The following TBC1D22B variants were observed in gnomAD, a reference collection of about 807,000 sequenced individuals.
The protein encoded by TBC1D22B is TBC1 domain family member 22B.
A neutral mutation model predicts 69.1 loss-of-function variants in TBC1D22B; 32 were observed. That is an observed-to-expected ratio of 0.46 (90% CI 0.35 to 0.62). The LOEUF (loss-of-function observed/expected upper bound fraction) is 0.62, where lower values mean the gene tolerates loss of function less well. Among genes scored for constraint, TBC1D22B ranks in the 20% least tolerant of loss-of-function variants. The pLI is 0.00. For synonymous variants in TBC1D22B, 206 were observed against 229.8 expected (o/e 0.90, Z 0.94); for missense variants, 462 against 630.9 (o/e 0.73, Z 2.87).
chr6:37,268,773 A>G (rs1457926153), intron 1 of TBC1D22B, among the ~76,000 whole-genome samples: 1 of 152,204 alleles, frequency 6.6e-6, no homozygotes, highest in Non-Finnish European at 1.5e-5. Context: ...TTTGAAGTCT[A>G]TATAAGTCGA....
At chr6:37,292,487 C>G (rs563033904) in intron 8 of TBC1D22B, among the ~76,000 whole-genome samples, 1 of 152,104 alleles carries the variant, frequency 6.6e-6, no homozygotes, top group Non-Finnish European at 1.5e-5. Flanking sequence ...CCCACCCCCC[C>G]GCCTTAATAG....
intron 8 of TBC1D22B, among the ~76,000 whole-genome samples, chr6:37,306,950 C>T (rs1056221556): frequency 2.0e-5 from 3 of 152,204 alleles, no homozygotes; most frequent in African/African-American, 7.2e-5. Context: ...CGAAATAAGT[C>T]TTTCCTCCAA....
chr6:37,312,037 C>A (rs2113779707), intron 8 of TBC1D22B, among the ~76,000 whole-genome samples: 1 of 152,346 alleles, frequency 6.6e-6, no homozygotes, highest in Non-Finnish European at 1.5e-5. Context: ...TCAGACGAGA[C>A]AGATTCTCAC....
chr6:37,269,445 G>T, intron 1 of TBC1D22B, 149 bp from the exon 2 acceptor site: 5 of 693,754 alleles, frequency 7.2e-6, no homozygotes, highest in South Asian at 5.4e-5. Context: ...CGGGTAGATT[G>T]CTCTCTTTGG....
chr6:37,259,103 T>G (rs1765972596), intron 1 of TBC1D22B, among the ~76,000 whole-genome samples: 1 of 151,904 alleles, frequency 6.6e-6, no homozygotes. Flanking sequence ...AGTGATCCTC[T>G]TGCCTTGGCC....
rs1243377863 is a variant in TBC1D22B, at chr6:37,268,174, T to G, written c.57-1420T>G. 2.0e-5 allele frequency among the ~76,000 whole-genome samples: 3 copies of G among 152,186 alleles called. No individual in the cohort carries two copies. The East Asian group carries it at 5.8e-4, about 29-fold the overall frequency. On this transcript the variant is annotated intron_variant, in intron 1 of 12. Coordinates refer to ENST00000373491, the MANE Select transcript of TBC1D22B (RefSeq NM_017772.4). ...GAAAAGTAGTTTTTTTTCACTTTTA[T>G]ACTTAAACAATAGTTTGGCTTGATA... is the stretch of plus-strand genomic sequence containing the variant.
At chr6:37,280,115 T>C (rs528101400) in intron 3 of TBC1D22B, among the ~76,000 whole-genome samples, 107 of 152,342 alleles carry the variant, frequency 7.0e-4, no homozygotes, top group African/African-American at 2.5e-3. Context: ...CCCAGCTTCC[T>C]GACCATCAGG....
chr6:37,271,761 T>C (rs1390659039), intron 2 of TBC1D22B, among the ~76,000 whole-genome samples: 1 of 152,170 alleles, frequency 6.6e-6, no homozygotes, highest in Non-Finnish European at 1.5e-5. Context: ...TACCAACTTG[T>C]TCTTTTTGCG....
At chr6:37,269,310 C>T (rs1011763864) in intron 1 of TBC1D22B, among the ~76,000 whole-genome samples, 3 of 152,216 alleles carry the variant, frequency 2.0e-5, no homozygotes, top group Non-Finnish European at 2.9e-5. Context: ...GAACTCTGCT[C>T]TCTCCAGCTC....
rs766087456 is a variant in TBC1D22B at position 37,331,167 on chromosome 6, C to T, written c.1513C>T (p.Arg505Ter). The T allele has an allele frequency of 5.0e-6, 8 of 1,614,022 alleles. No individual in the cohort carries two copies. The highest frequency in any genetic ancestry group is 1.1e-5 in the South Asian group (1 of 91,056). The change falls in exon 13 of 13, where the codon CGA becomes TGA. Residue 505 changes from arginine to a stop codon, truncating the protein, a stop_gained. Transcript: ENST00000373491. LOFTEE classifies it high-confidence loss of function. Reference protein sequence around the residue: ...MFADAPNHYRR With the variant: ...MFADAPNHYR ...TGCCGATGCCCCAAATCACTACCGC[C>T]GATAGGTGCTGTCTCCTCCGGGGAC...
intron 12 of TBC1D22B, 143 bp downstream of exon 12, chr6:37,317,349 TC>T (rs1768112876): frequency 1.3e-6 from 1 of 781,708 alleles, no homozygotes; most frequent in Admixed American, 2.3e-5. Flanking sequence ...GAAGGGGTCG[TC>T]CCTCTTAGTT....
intron 7 of TBC1D22B, among the ~76,000 whole-genome samples, chr6:37,287,954 G>C (rs535407662): frequency 1.5e-4 from 23 of 152,308 alleles, no homozygotes; most frequent in African/African-American, 5.5e-4. Context: ...GAAGGTGTCA[G>C]TGGGGCTATT....
At position 37,315,330 on chromosome 6, in the gene TBC1D22B, G is replaced by A. The variant is rs542965588; in HGVS notation, c.1166-1373G>A. On this transcript the variant is annotated intron_variant, in intron 10 of 12. Transcript: ENST00000373491. Reference sequence around the variant, plus strand: ...ACACCTGTAATCCCAGCCGAGGCAGGAGGATCACTTGAGCCCAGGAGTTCA... The same window carrying A: ...ACACCTGTAATCCCAGCCGAGGCAGAAGGATCACTTGAGCCCAGGAGTTCA... 3.3e-5 allele frequency among the ~76,000 whole-genome samples: 5 copies of A among 152,238 alleles called. No homozygotes were observed. In the East Asian group the frequency reaches 9.7e-4, roughly 29 times the overall value.
intron 9 of TBC1D22B, among the ~76,000 whole-genome samples, chr6:37,313,357 G>A (rs963923193): frequency 1.3e-5 from 2 of 152,112 alleles, no homozygotes; most frequent in Admixed American, 1.3e-4. Context: ...AGGCGTGGTG[G>A]CGTGTGCCTA....
chr6:37,316,621 G>A (rs1768087657), intron 10 of TBC1D22B, 82 bp from the exon 11 acceptor site: 1 of 1,551,724 alleles, frequency 6.4e-7, no homozygotes, highest in Non-Finnish European at 8.9e-7. Flanking sequence ...GCAGTAAGAA[G>A]TGGGAGCTGC....
intron 2 of TBC1D22B, among the ~76,000 whole-genome samples, chr6:37,273,327 G>A (rs1269883618): frequency 6.6e-6 from 1 of 152,128 alleles, no homozygotes; most frequent in African/African-American, 2.4e-5. Flanking sequence ...TTATTGACTG[G>A]TAATAGATCT....
intron 5 of TBC1D22B, among the ~76,000 whole-genome samples, chr6:37,283,322 G>T (rs1766897967): frequency 6.6e-6 from 1 of 152,218 alleles, no homozygotes; most frequent in Admixed American, 6.5e-5. Flanking sequence ...GATCTGTGAA[G>T]AGTTGATAAA....
intron 8 of TBC1D22B, among the ~76,000 whole-genome samples, chr6:37,308,294 A>T (rs1767799269): frequency 6.6e-6 from 1 of 152,148 alleles, no homozygotes; most frequent in Non-Finnish European, 1.5e-5. Context: ...TTATGTGTTG[A>T]ATTTCCTCAA....
At chr6:37,311,069 G>T (rs1767895527) in intron 8 of TBC1D22B, among the ~76,000 whole-genome samples, 1 of 151,988 alleles carries the variant, frequency 6.6e-6, no homozygotes, top group African/African-American at 2.4e-5. Context: ...GCTTTTTTAT[G>T]TCGTTACAAG....
Sources: allele counts gnomAD v4.1 joint callset (sites outside exome capture counted in the v4.1 genomes callset), GRCh38; gene constraint gnomAD v4.1.1; transcripts MANE v1.5; gene names NCBI Gene and HGNC (gene_info 2026-07-23, HGNC 2026-07-21).